The following RAPGEF6 variants were observed in gnomAD, a reference collection of about 807,000 sequenced individuals.
RAPGEF6 encodes the protein Rap guanine nucleotide exchange factor 6, also known as PDZ domain containing guanine nucleotide exchange factor (GEF) 2.
A neutral mutation model predicts 171.4 loss-of-function variants in RAPGEF6; 56 were observed. The observed-to-expected ratio is 0.33, with a 90% CI of 0.26 to 0.41. RAPGEF6 has a LOEUF of 0.41. Among genes scored for constraint, RAPGEF6 ranks in the 10% least tolerant of loss-of-function variants. RAPGEF6 has a pLI of 1.00. For missense variants in RAPGEF6, 1,674 were observed against 1,921.4 expected (o/e 0.87, Z 2.41); for synonymous variants, 692 against 650.1 (o/e 1.06, Z -0.98).
At chr5:131,579,889 T>A (rs1023491927) in intron 4 of RAPGEF6, among the ~76,000 whole-genome samples, 2 of 151,694 alleles carry the variant, frequency 1.3e-5, no homozygotes, top group Non-Finnish European at 2.9e-5. Context: ...AGACACAGAG[T>A]GCTGATTGGT....
chr5:131,541,516 A>T (rs1760143365), intron 6 of RAPGEF6, among the ~76,000 whole-genome samples: 1 of 151,768 alleles, frequency 6.6e-6, no homozygotes, highest in Non-Finnish European at 1.5e-5. Context: ...TTTTCTTTTT[A>T]CTTTTTTTTT....
chr5:131,603,264 T>C lies in RAPGEF6; in HGVS notation c.197+7A>G. 2 of 1,580,606 alleles carry C rather than the reference T, an allele frequency of 1.3e-6. No homozygotes were observed. The highest frequency in any genetic ancestry group is 1.7e-6 in the Non-Finnish European group (2 of 1,160,458). On this transcript the variant is annotated splice_region_variant and intron_variant, in intron 3 of 27. Coordinates refer to ENST00000509018, the MANE Select transcript of RAPGEF6 (RefSeq NM_016340.6). ...CATTAGTTTATGTGAATTATGGAAA[T>C]ACTTACCAAAAGAGAACCTGATTGC... is the stretch of plus-strand genomic sequence containing the variant.
At chr5:131,521,811 C>G (rs528781848) in intron 6 of RAPGEF6, among the ~76,000 whole-genome samples, 2 of 145,386 alleles carry the variant, frequency 1.4e-5, no homozygotes, top group Non-Finnish European at 3.0e-5. Flanking sequence ...AATATCAGAC[C>G]TGTCCATTTA....
At chr5:131,632,075 C>CAAAAAAA (rs529399752) in intron 1 of RAPGEF6, among the ~76,000 whole-genome samples, 1 of 63,748 alleles carries the variant, frequency 1.6e-5, no homozygotes. Flanking sequence ...GACTCTGTCT[C>CAAAAAAA]AAAAAAAAAA....
chr5:131,610,795 G>C (rs1764889332), intron 1 of RAPGEF6, among the ~76,000 whole-genome samples: 1 of 152,112 alleles, frequency 6.6e-6, no homozygotes, highest in African/African-American at 2.4e-5. Context: ...GAGAGCCATG[G>C]AGGAGCTGCT....
chr5:131,475,435 G>A (rs183249012), intron 16 of RAPGEF6, among the ~76,000 whole-genome samples: 7 of 152,052 alleles, frequency 4.6e-5, no homozygotes, highest in Admixed American at 2.0e-4. Context: ...CATAAATATC[G>A]CCAATATGTA....
chr5:131,453,459 C>T (rs1279223318), intron 20 of RAPGEF6, among the ~76,000 whole-genome samples: 1 of 152,090 alleles, frequency 6.6e-6, no homozygotes, highest in Non-Finnish European at 1.5e-5. Context: ...GGCACAATGG[C>T]TCCCACTTGT....
Position 131,520,135 on chromosome 5 carries a change from C to T in RAPGEF6, c.627+1255G>A, listed in dbSNP as rs117359200. On this transcript the variant is annotated intron_variant, in intron 7 of 27. Transcript: ENST00000509018. ...CCATTTTGCATCTGCCTACAAACTT[C>T]CCTGAATAGAAGAAGGCTATTTTCC... 1.7e-3 allele frequency among the ~76,000 whole-genome samples: 265 copies of T among 152,266 alleles called. 2 individuals are homozygous for T. The East Asian group carries it at 0.027, about 15-fold the overall frequency.
chr5:131,494,220 T>C (rs1483789318), intron 13 of RAPGEF6, among the ~76,000 whole-genome samples: 10 of 152,166 alleles, frequency 6.6e-5, no homozygotes, highest in Non-Finnish European at 1.5e-4. Flanking sequence ...ATCTAGCAAA[T>C]GGTGGAGCTT....
Position 131,424,270 on chromosome 5 carries a change from A to C in RAPGEF6, c.*2996T>G, listed in dbSNP as rs935721445. ...TGCATTCTGTGTATCAAAAATAAAG[A>C]AGCATTAAAAATGCACAACAAAAGT... On this transcript the variant is annotated 3_prime_UTR_variant, in exon 28 of 28. Transcript: ENST00000509018. 1 of 152,364 alleles carries C rather than the reference A, an allele frequency of 6.6e-6. No individual in the cohort carries two copies. The highest frequency in any genetic ancestry group is 2.4e-5 in the African/African-American group (1 of 41,464). 9.4% of individuals were successfully genotyped at this position (152,364 alleles called of 1,614,324 possible).
chr5:131,619,125 C>G (rs1245881398), intron 1 of RAPGEF6, among the ~76,000 whole-genome samples: 1 of 151,890 alleles, frequency 6.6e-6, no homozygotes, highest in African/African-American at 2.4e-5. Flanking sequence ...TTGACTAGAC[C>G]CTGGATTGAA....
At chr5:131,511,237 A>G (rs377704816) in intron 7 of RAPGEF6, 3 of 152,280 alleles carry the variant, frequency 2.0e-5, no homozygotes, top group African/African-American at 4.8e-5. Flanking sequence ...TGTCTTTTAG[A>G]AGATAAAATG....
rs1334343031 is a variant in RAPGEF6, at chr5:131,553,930, TCAAGAAGATGATAGAA to T, written c.352-5756_352-5741del. Among the ~76,000 whole-genome samples, 33 of 144,938 alleles carry T rather than the reference TCAAGAAGATGATAGAA, an allele frequency of 2.3e-4. No homozygotes were observed. In the South Asian group the frequency reaches 7.1e-3, roughly 31 times the overall value. On this transcript the variant is annotated intron_variant, in intron 5 of 27. Transcript: ENST00000509018. The stretch of plus-strand genomic sequence containing the variant: ...AGAGGAAAGGTTGAAAAAAAAAATG[TCAAGAAGATGATAGAA>T]CAAGACAATATTTAAGGAAAAAAAG...
chr5:131,594,959 T>A, intron 3 of RAPGEF6, among the ~76,000 whole-genome samples: 1 of 152,202 alleles, frequency 6.6e-6, no homozygotes, highest in Non-Finnish European at 1.5e-5. Context: ...ACTTCCCATG[T>A]CTCAGATGAG....
chr5:131,575,125 C>T (rs1295087454), intron 4 of RAPGEF6, among the ~76,000 whole-genome samples: 2 of 152,170 alleles, frequency 1.3e-5, no homozygotes, highest in Non-Finnish European at 2.9e-5. Flanking sequence ...CTCAAAGATG[C>T]TTTCTTCACT....
Position 131,498,469 on chromosome 5 carries a change from A to G in RAPGEF6, c.1393T>C (p.Phe465Leu). 1 of 1,612,746 alleles carries G rather than the reference A, an allele frequency of 6.2e-7. No individual in the cohort carries two copies. The highest frequency in any genetic ancestry group is 2.2e-5 in the East Asian group (1 of 44,818). ...LDVGIKLLEW[F>L]KIDSLRDKVT... ...TTATCTCTTAAGCTGTCGATCTTAA[A>G]CCATTCCAATAGTTTGATCCCAACA... Residue 465 changes from phenylalanine (F) to leucine (L), a missense_variant, in exon 12 of 28, where the codon TTT (phenylalanine) becomes CTT (leucine). Transcript: ENST00000509018.
At chr5:131,436,090 C>A (rs1026894655) in intron 24 of RAPGEF6, 5 of 1,537,968 alleles carry the variant, frequency 3.3e-6, no homozygotes, top group Non-Finnish European at 4.4e-6. Context: ...CACTTTCTCA[C>A]AGCTTTCTGT....
intron 1 of RAPGEF6, among the ~76,000 whole-genome samples, chr5:131,609,336 G>A (rs1261192172): frequency 6.6e-6 from 1 of 152,078 alleles, no homozygotes; most frequent in Non-Finnish European, 1.5e-5. Flanking sequence ...TCTGGTCAGG[G>A]GTCTAGAAGG....
chr5:131,595,429 C>T (rs999659019), intron 3 of RAPGEF6, among the ~76,000 whole-genome samples: 1 of 152,078 alleles, frequency 6.6e-6, no homozygotes, highest in African/African-American at 2.4e-5. Context: ...CACAAATTAC[C>T]CAGTCTCAGG....
Sources: allele counts gnomAD v4.1 joint callset (sites outside exome capture counted in the v4.1 genomes callset), GRCh38; gene constraint gnomAD v4.1.1; transcripts MANE v1.5; gene names NCBI Gene and HGNC (gene_info 2026-07-23, HGNC 2026-07-21).